The following GFM1 variants were observed in gnomAD, a reference collection of about 807,000 sequenced individuals.
GFM1 encodes elongation factor G, mitochondrial.
GFM1 carries 62 observed loss-of-function variants against 96.2 expected under a neutral mutation model. The observed-to-expected ratio is 0.64, with a 90% CI of 0.53 to 0.80. GFM1 has a LOEUF of 0.80. GFM1 is among the 30% of genes least tolerant of loss of function. GFM1 has a pLI of 0.00. For missense variants in GFM1, 852 were observed against 916.6 expected, an observed-to-expected ratio of 0.93 and a Z score of 0.91; for synonymous variants, 282 against 312.9, an observed-to-expected ratio of 0.90 and a Z score of 1.04.
intron 8 of GFM1, chr3:158,655,671 G>T: frequency 4.5e-6 from 1 of 223,628 alleles, no homozygotes; most frequent in Non-Finnish European, 9.2e-6. Flanking sequence ...GAAAAGTTAT[G>T]AAGATAGTCC....
intron 5 of GFM1, chr3:158,650,916 G>A (rs1442663107): frequency 6.6e-6 from 1 of 150,764 alleles, no homozygotes. Context: ...AGCTACTCGG[G>A]AGGCTGAGGC....
At chr3:158,651,819 C>G (rs1287290597) in intron 5 of GFM1, among the ~76,000 whole-genome samples, 1 of 123,574 alleles carries the variant, frequency 8.1e-6, no homozygotes, top group Non-Finnish European at 1.7e-5. Context: ...ATTATAAAAC[C>G]AGAGATTTTT....
intron 13 of GFM1, 60 bp downstream of exon 13, chr3:158,666,446 A>G: frequency 7.3e-7 from 1 of 1,362,252 alleles, no homozygotes; most frequent in Non-Finnish European, 1.1e-6. Context: ...TATTTTGGAT[A>G]TACATACCAC....
At chr3:158,660,794 A>C in intron 9 of GFM1, 80 bp from the exon 10 acceptor site, 39 of 1,052,570 alleles carry the variant, frequency 3.7e-5, no homozygotes, top group Non-Finnish European at 4.9e-5. Flanking sequence ...CAATGTGTGT[A>C]CTGTACAGTT....
At chr3:158,656,041 GA>G (rs1323528275) in intron 8 of GFM1, 2 of 399,036 alleles carry the variant, frequency 5.0e-6, no homozygotes, top group Admixed American at 5.7e-5. Context: ...GATTAGATTG[GA>G]GTCATGTGTT....
chr3:158,678,889 C>T (rs1173989012), intron 13 of GFM1, among the ~76,000 whole-genome samples: 2 of 152,222 alleles, frequency 1.3e-5, no homozygotes, highest in African/African-American at 2.4e-5. Flanking sequence ...TGTCATGTGA[C>T]TGGGTGAAGT....
Position 158,652,231 on chromosome 3 carries a change from G to A in GFM1, c.825G>A (p.Ser275=), listed in dbSNP as rs1722357550. 6 of 1,613,970 alleles carry A rather than the reference G, an allele frequency of 3.7e-6. No individual in the cohort carries two copies. The highest frequency in any genetic ancestry group is 4.5e-5 in the East Asian group (2 of 44,880). The change falls in exon 6 of 18, where the codon TCG becomes TCA. Residue 275 remains serine (S), a synonymous_variant. Coordinates refer to ENST00000486715, the MANE Select transcript of GFM1 (RefSeq NM_024996.7). ...GEMFLEEKIP[S]ISDLKLAIRR... ...TGTTTCTGGAAGAAAAAATCCCCTC[G>A]ATTTCTGATTTAAAGGCAAGTGCTT...
Position 158,666,676 on chromosome 3 carries a change from G to T in GFM1, c.1601+290G>T, listed in dbSNP as rs896395610. 2.5e-6 allele frequency: 4 copies of T among 1,613,768 alleles called. No individual in the cohort carries two copies. The African/African-American group carries it at 5.3e-5, about 22-fold the overall frequency. ...CCAGTTGTACTTCCTTTGGCAGACG[G>T]CTATTATGTTTTACTTTAGTGCCGT... On this transcript the variant is annotated intron_variant, in intron 13 of 17. Transcript: ENST00000486715.
At chr3:158,687,929 CT>C (rs910108028) in intron 15 of GFM1, among the ~76,000 whole-genome samples, 9 of 151,008 alleles carry the variant, frequency 6.0e-5, no homozygotes, top group African/African-American at 2.2e-4. Flanking sequence ...AGAAAATCAA[CT>C]TTTTTTTTAC....
chr3:158,652,955 C>G (rs1166064508), intron 6 of GFM1, among the ~76,000 whole-genome samples: 1 of 152,010 alleles, frequency 6.6e-6, no homozygotes, highest in Non-Finnish European at 1.5e-5. Flanking sequence ...GTATATATTA[C>G]TTTTTCCTCT....
Position 158,682,654 on chromosome 3 carries a change from T to C in GFM1, c.1764+497T>C, listed in dbSNP as rs1173176081. 2.0e-5 allele frequency among the ~76,000 whole-genome samples: 3 copies of C among 152,248 alleles called. No individual in the cohort carries two copies. The East Asian group carries it at 5.8e-4, about 29-fold the overall frequency. Reference sequence around the variant, plus strand: ...CACAAAATTGAGGATCAGATAAGACTATGTGACATTTCCTTGGAGAAGTGC... The same window carrying C: ...CACAAAATTGAGGATCAGATAAGACCATGTGACATTTCCTTGGAGAAGTGC... On this transcript the variant is annotated intron_variant, in intron 14 of 17. Transcript: ENST00000486715.
At chr3:158,655,170 C>G (rs931974702) in intron 8 of GFM1, among the ~76,000 whole-genome samples, 3 of 152,068 alleles carry the variant, frequency 2.0e-5, no homozygotes, top group African/African-American at 7.2e-5. Context: ...AAATGCCCAG[C>G]CAGTCGCAGT....
chr3:158,658,061 A>G (rs1458235790), intron 8 of GFM1, among the ~76,000 whole-genome samples: 1 of 149,866 alleles, frequency 6.7e-6, no homozygotes, highest in Non-Finnish European at 1.5e-5. Context: ...TTCGATTGCT[A>G]TTTTGTTAAG....
Position 158,684,795 on chromosome 3 carries a change from T to C in GFM1, c.1909+127T>C, listed in dbSNP as rs568178197. ...GCTCCACAGGGAATATTGTAGGTAGTGGGCAAATCTTTATGGACTTGAGAT... is the reference window on the plus strand; with the variant it reads ...GCTCCACAGGGAATATTGTAGGTAGCGGGCAAATCTTTATGGACTTGAGAT... On this transcript the variant is annotated intron_variant, in intron 15 of 17. Coordinates refer to ENST00000486715, the MANE Select transcript of GFM1 (RefSeq NM_024996.7). 11 of 920,184 alleles carry C rather than the reference T, an allele frequency of 1.2e-5. No homozygotes were observed. In the Admixed American group the frequency reaches 2.1e-4, roughly 17 times the overall value. The allele number at this position is 920,184 out of a possible 1,614,324, so 57.0% of individuals were successfully genotyped here. A position where few individuals can be genotyped will look rare whatever the true frequency, so the allele number is the denominator to read the frequency against.
At chr3:158,685,854 T>C (rs1725793636) in intron 15 of GFM1, among the ~76,000 whole-genome samples, 1 of 152,196 alleles carries the variant, frequency 6.6e-6, no homozygotes, top group Admixed American at 6.5e-5. Flanking sequence ...GTTTACCACT[T>C]TAGTATGTCT....
chr3:158,648,325 G>A (rs144486611), intron 4 of GFM1, among the ~76,000 whole-genome samples: 1 of 152,224 alleles, frequency 6.6e-6, no homozygotes, highest in East Asian at 1.9e-4. Context: ...CTAAACAGTG[G>A]TAGCTAGAGC....
intron 4 of GFM1, among the ~76,000 whole-genome samples, chr3:158,648,678 CAAAAAAA>C (rs9331287): frequency 2.9e-5 from 3 of 102,778 alleles, no homozygotes; most frequent in South Asian, 3.2e-4. Context: ...ACTCTTGTCT[CAAAAAAA>C]AAAAAAAAAA....
In GFM1 at chr3:158,660,948, A is replaced by C; in HGVS notation, c.1296A>C (p.Thr432=). ...GIDCASGDTF[T]DKANSGLSME... ...ACTGTGCTAGTGGAGACACATTCAC[A>C]GACAAAGCCAACAGCGGCCTTTCTA... The change falls in exon 10 of 18, where the codon ACA becomes ACC. Residue 432 remains threonine (T), a synonymous_variant. Coordinates refer to ENST00000486715, the MANE Select transcript of GFM1 (RefSeq NM_024996.7). The C allele has an allele frequency of 6.2e-7, 1 of 1,613,936 alleles. No homozygotes were observed. Among genetic ancestry groups the C allele is most frequent in the Non-Finnish European group, 8.5e-7 (1 of 1,179,786 alleles).
chr3:158,662,764 A>G (rs1723297601), intron 11 of GFM1, 80 bp downstream of exon 11: 1 of 845,312 alleles, frequency 1.2e-6, no homozygotes, highest in East Asian at 2.4e-5. Context: ...TGCACTTGAT[A>G]TCTTGTAATA....
Sources: gnomAD v4.1 joint callset for allele counts (sites outside exome capture counted in the v4.1 genomes callset) on GRCh38, gnomAD v4.1.1 for gene constraint, MANE v1.5 for transcripts, NCBI Gene and HGNC (gene_info 2026-07-23, HGNC 2026-07-21) for gene names.